The following RRAS2 variants were observed in gnomAD, a reference collection of about 807,000 sequenced individuals.
The protein encoded by RRAS2 is ras-related protein R-Ras2.
A neutral mutation model predicts 27.6 loss-of-function variants in RRAS2; 7 were observed. The ratio of observed to expected loss-of-function variants is 0.25; its 90% CI spans 0.14 to 0.48. The LOEUF (loss-of-function observed/expected upper bound fraction) is 0.48. RRAS2 is among the 20% of genes least tolerant of loss of function. The pLI is 0.99. For missense variants in RRAS2, 178 were observed against 256.2 expected (o/e 0.69, Z 2.08); for synonymous variants, 86 against 90.9 (o/e 0.95, Z 0.31).
intron 1 of RRAS2, among the ~76,000 whole-genome samples, chr11:14,324,029 T>G (rs1848288965): frequency 2.0e-5 from 3 of 151,606 alleles, no homozygotes; most frequent in Admixed American, 2.0e-4. Flanking sequence ...TGAAACTCAT[T>G]AAAATCAAGA....
rs377509798 is a variant in RRAS2 at position 14,279,326 on chromosome 11, C to G, written c.*11G>C. On this transcript the variant is annotated 3_prime_UTR_variant, in exon 6 of 6. Coordinates refer to ENST00000256196, the MANE Select transcript of RRAS2 (RefSeq NM_012250.6). ...TTTTCCTGGCCGTTGGTAGCTAAAA[C>G]TGAAGGGATTCTAGAAAATGACACA... is the stretch of plus-strand genomic sequence containing the variant. 2.0e-5 allele frequency: 31 copies of G among 1,587,696 alleles called. No homozygotes were observed. The African/African-American group carries it at 3.8e-4, about 19-fold the overall frequency.
intron 1 of RRAS2, among the ~76,000 whole-genome samples, chr11:14,307,453 C>A (rs555376047): frequency 6.6e-6 from 1 of 152,150 alleles, no homozygotes; most frequent in East Asian, 1.9e-4. Context: ...GTGGTGCAAT[C>A]TCGGCTCAAT....
chr11:14,346,978 G>T (rs1050722824), intron 1 of RRAS2, among the ~76,000 whole-genome samples: 2 of 152,038 alleles, frequency 1.3e-5, no homozygotes, highest in Non-Finnish European at 1.5e-5. Context: ...AACAAAATGA[G>T]ACCCCATCTC....
chr11:14,308,081 G>T, intron 1 of RRAS2: 1 of 277,694 alleles, frequency 3.6e-6, no homozygotes, highest in South Asian at 3.2e-5. Flanking sequence ...TTAAAAAAAG[G>T]AATGACTTCA....
At chr11:14,326,649 C>T (rs1848362992) in intron 1 of RRAS2, among the ~76,000 whole-genome samples, 1 of 152,100 alleles carries the variant, frequency 6.6e-6, no homozygotes. Context: ...AAAATGTTGT[C>T]CTCTATTTGG....
At chr11:14,280,634 G>A (rs900305093) in intron 5 of RRAS2, among the ~76,000 whole-genome samples, 8 of 146,112 alleles carry the variant, frequency 5.5e-5, no homozygotes, top group African/African-American at 2.1e-4. Context: ...GGCTGAGGCA[G>A]AGAATTGCTT....
At chr11:14,352,754 TATAGAG>T (rs1195387617) in intron 1 of RRAS2, among the ~76,000 whole-genome samples, 323 of 118,730 alleles carry the variant, frequency 2.7e-3, no homozygotes, top group South Asian at 6.5e-3. Context: ...AATATATATA[TATAGAG>T]AGAGAGAGAG....
At chr11:14,295,495 C>G (rs1206885014) in intron 2 of RRAS2, among the ~76,000 whole-genome samples, 1 of 152,094 alleles carries the variant, frequency 6.6e-6, no homozygotes, top group African/African-American at 2.4e-5. Context: ...CAGGTTTTTT[C>G]CAGTTGTCCC....
At chr11:14,356,662 C>A in intron 1 of RRAS2, 2 of 401,760 alleles carry the variant, frequency 5.0e-6, no homozygotes, top group Non-Finnish European at 4.8e-6. Context: ...TCTTTATGTA[C>A]ACATATGTCT....
At chr11:14,294,395 A>G in intron 4 of RRAS2, 76 bp downstream of exon 4, 1 of 1,027,014 alleles carries the variant, frequency 9.7e-7, no homozygotes, top group South Asian at 1.8e-5. Flanking sequence ...TAGACTTTCA[A>G]TTATTTCCTT....
intron 1 of RRAS2, among the ~76,000 whole-genome samples, chr11:14,296,671 T>C (rs1847560004): frequency 6.6e-6 from 1 of 152,234 alleles, no homozygotes; most frequent in South Asian, 2.1e-4. Flanking sequence ...AACTGCCTTA[T>C]GTACTACAAG....
intron 1 of RRAS2, among the ~76,000 whole-genome samples, chr11:14,355,951 G>A (rs1554955366): frequency 2.6e-5 from 4 of 152,098 alleles, no homozygotes; most frequent in African/African-American, 9.7e-5. Flanking sequence ...TAAAAAAATC[G>A]CTTTAGCTCC....
Position 14,354,356 on chromosome 11 carries a change from T to C in RRAS2, c.108+4407A>G, listed in dbSNP as rs1414197978. On this transcript the variant is annotated intron_variant, in intron 1 of 5. Transcript: ENST00000256196. ...CCTCCCTGTAAATTTTTAAAACATA[T>C]ATGGCCTTTTCTCAGAGTTACCAGA... 3.3e-5 allele frequency: 5 copies of C among 152,308 alleles called. No individual in the cohort carries two copies. The South Asian group carries it at 6.2e-4, about 19-fold the overall frequency. 9.4% of individuals were successfully genotyped at this position (152,308 alleles called of 1,614,324 possible).
chr11:14,350,141 T>G (rs993150288), intron 1 of RRAS2, among the ~76,000 whole-genome samples: 2 of 152,220 alleles, frequency 1.3e-5, no homozygotes, highest in Non-Finnish European at 2.9e-5. Context: ...CCTTCTTTCT[T>G]ACACAAAAGG....
chr11:14,283,087 G>A (rs1383959852), intron 4 of RRAS2, among the ~76,000 whole-genome samples: 2 of 152,170 alleles, frequency 1.3e-5, no homozygotes, highest in Non-Finnish European at 2.9e-5. Context: ...GGTTAACAAA[G>A]TTCTCCACTA....
intron 1 of RRAS2, among the ~76,000 whole-genome samples, chr11:14,302,164 T>C (rs1847732122): frequency 6.6e-6 from 1 of 150,988 alleles, no homozygotes. Context: ...CTTGAGCTCC[T>C]GCTCAGCTCA....
At chr11:14,359,309 C>G (rs782616014), upstream of RRAS2, 10 of 313,674 alleles carry the variant, frequency 3.2e-5, no homozygotes, top group Non-Finnish European at 4.6e-5. Context: ...ACACACCGCT[C>G]TAATCCCTAG....
Position 14,281,729 on chromosome 11 carries a change from C to G in RRAS2, c.409-9G>C. On this transcript the variant is annotated splice_polypyrimidine_tract_variant and intron_variant, in intron 4 of 5. Transcript: ENST00000256196. ...CCTTCTTCCTGTGTTACCTGAAATT[C>G]CAACAGTTATGTTTATGGTACATTA... 1 of 1,585,800 alleles carries G rather than the reference C, an allele frequency of 6.3e-7. No homozygotes were observed. Among genetic ancestry groups the G allele is most frequent in the Non-Finnish European group, 8.6e-7 (1 of 1,162,886 alleles).
intron 5 of RRAS2, among the ~76,000 whole-genome samples, chr11:14,280,053 A>G (rs2133940468): frequency 6.6e-6 from 1 of 152,308 alleles, no homozygotes; most frequent in East Asian, 1.9e-4. Context: ...ACATTTCAAA[A>G]CGGCAGTCAT....
Sources: allele counts gnomAD v4.1 joint callset (sites outside exome capture counted in the v4.1 genomes callset), GRCh38; gene constraint gnomAD v4.1.1; transcripts MANE v1.5; gene names NCBI Gene and HGNC (gene_info 2026-07-23, HGNC 2026-07-21).